Variants in BICRA observed in about 807,000 individuals in gnomAD.
BICRA encodes BRD4 interacting chromatin remodeling complex associated protein, also known as BRD4-interacting chromatin-remodeling complex-associated protein.
BICRA carries 31 observed loss-of-function variants against 96.9 expected under a neutral mutation model. The observed-to-expected ratio is 0.32, with a 90% CI of 0.24 to 0.43. The LOEUF (loss-of-function observed/expected upper bound fraction) is 0.43. BICRA is among the 20% of genes least tolerant of loss of function. The pLI is 1.00. For synonymous variants in BICRA, 1,350 were observed against 1,071.8 expected (o/e 1.26, Z -5.07); for missense variants, 2,283 against 2,190.3 (o/e 1.04, Z -0.84).
intron 1 of BICRA, among the ~76,000 whole-genome samples, chr19:47,657,316 A>G (rs545468704): frequency 3.5e-4 from 53 of 152,132 alleles, no homozygotes; most frequent in African/African-American, 9.6e-4. Context: ...TGTCGTGTGG[A>G]TGTAACAGTG....
chr19:47,657,178 C>T lies in BICRA; in HGVS notation c.-107-13265C>T, dbSNP rs185964109. 1.3e-3 allele frequency among the ~76,000 whole-genome samples: 199 copies of T among 151,948 alleles called. 2 individuals are homozygous for T. Among genetic ancestry groups the T allele is most frequent in the African/African-American group, 4.4e-3 (181 of 41,458 alleles). ...GCCGGGCCCATGTTCTAGATCTTTACACAAATGGACTCACACAGTGTGTAG... is the reference window on the plus strand; with the variant it reads ...GCCGGGCCCATGTTCTAGATCTTTATACAAATGGACTCACACAGTGTGTAG... On this transcript the variant is annotated intron_variant, in intron 1 of 14. Transcript: ENST00000594866.
chr19:47,673,379 T>G (rs1265449564), intron 2 of BICRA, among the ~76,000 whole-genome samples, 191 bp from the exon 3 acceptor site: 1 of 152,074 alleles, frequency 6.6e-6, no homozygotes, highest in African/African-American at 2.4e-5. Flanking sequence ...AAAAGGACCC[T>G]GTCCCTGGTC....
rs1384505574 is a variant in BICRA at position 47,702,483 on chromosome 19, CAGCCTCCTGGGGACTCG to C, written c.*73_*89del. 1.9e-5 allele frequency: 27 copies of C among 1,402,430 alleles called. No individual in the cohort carries two copies. The African/African-American group carries it at 3.5e-4, about 18-fold the overall frequency. The allele number at this position is 1,402,430 out of a possible 1,614,324, so 86.9% of individuals were successfully genotyped here. On this transcript the variant is annotated 3_prime_UTR_variant, in exon 15 of 15. Coordinates refer to ENST00000594866, the MANE Select transcript of BICRA (RefSeq NM_001394372.1). ...GCCGGGACAGTCGGGTGTCCGCCCT[CAGCCTCCTGGGGACTCG>C]AGCCGGGGATCCCCTGACGGTTTTT...
At chr19:47,614,367 A>G (rs148740756) in intron 1 of BICRA, among the ~76,000 whole-genome samples, 2,962 of 152,338 alleles carry the variant, frequency 0.019, 80 homozygotes, top group African/African-American at 0.068. Context: ...CTGTAATCCC[A>G]GCACTTTGGG....
At chr19:47,678,392 A>G (rs571725345) in intron 5 of BICRA, among the ~76,000 whole-genome samples, 25 of 152,316 alleles carry the variant, frequency 1.6e-4, no homozygotes, top group African/African-American at 4.8e-4. Context: ...CTGGGATTAC[A>G]GGTGTGAGCC....
Position 47,702,466 on chromosome 19 carries a change from A to G in BICRA, c.*51A>G, listed in dbSNP as rs1568583000. 3 of 1,422,204 alleles carry G rather than the reference A, an allele frequency of 2.1e-6. No individual in the cohort carries two copies. The highest frequency in any genetic ancestry group is 3.0e-5 in the African/African-American group (2 of 66,084). 88.1% of individuals were successfully genotyped at this position (1,422,204 alleles called of 1,614,324 possible). ...CCCCTCCTCCCGAAGACGCCGGGAC[A>G]GTCGGGTGTCCGCCCTCAGCCTCCT... On this transcript the variant is annotated 3_prime_UTR_variant, in exon 15 of 15. Coordinates refer to ENST00000594866, the MANE Select transcript of BICRA (RefSeq NM_001394372.1).
intron 1 of BICRA, among the ~76,000 whole-genome samples, chr19:47,650,151 A>G (rs185126265): frequency 1.0e-3 from 159 of 151,656 alleles, no homozygotes; most frequent in African/African-American, 3.8e-3. Flanking sequence ...TTGTTTTTTG[A>G]GGTGGAGTCT....
At chr19:47,638,803 C>T (rs141930891) in intron 1 of BICRA, among the ~76,000 whole-genome samples, 2,405 of 151,964 alleles carry the variant, frequency 0.016, 59 homozygotes, top group African/African-American at 0.056. Flanking sequence ...TACAGGTGGC[C>T]GCCACCATGC....
At position 47,675,170 on chromosome 19, in the gene BICRA, T is replaced by G. The variant is rs1260673087; in HGVS notation, c.85-681T>G. 6.6e-6 allele frequency among the ~76,000 whole-genome samples: 1 copy of G among 152,214 alleles called. No individual in the cohort carries two copies. Among genetic ancestry groups the G allele is most frequent in the African/African-American group, 2.4e-5 (1 of 41,454 alleles). On this transcript the variant is annotated intron_variant, in intron 4 of 14. Coordinates refer to ENST00000594866, the MANE Select transcript of BICRA (RefSeq NM_001394372.1). The surrounding 1 kb of genome is among the most constrained non-coding windows in gnomAD (Gnocchi z 4.7). ...TTGGCTTGAGCAACTGAGTGGATTC[T>G]GGTGCCATTTTCTGAAGTTGGGAAT... is the stretch of plus-strand genomic sequence containing the variant.
In BICRA at chr19:47,695,357, AC is replaced by A; in HGVS notation, c.3077-3del. On this transcript the variant is annotated splice_polypyrimidine_tract_variant and splice_region_variant and intron_variant, in intron 9 of 14. Coordinates refer to ENST00000594866, the MANE Select transcript of BICRA (RefSeq NM_001394372.1). ...AGGCCCTGTCTCCCCCACCCCACCC[AC>A]CCCCAGGCCTCCCTCCTCTGCTTCC... 5.2e-6 allele frequency: 2 copies of A among 385,114 alleles called. No individual in the cohort carries two copies. The highest frequency in any genetic ancestry group is 4.7e-6 in the Non-Finnish European group (1 of 211,974). The allele number at this position is 385,114 out of a possible 1,614,324, so 23.9% of individuals were successfully genotyped here.
intron 7 of BICRA, 140 bp from the exon 8 acceptor site, chr19:47,693,974 TG>T: frequency 1.0e-6 from 1 of 982,642 alleles, no homozygotes; most frequent in Non-Finnish European, 1.4e-6. Context: ...GCAGCCGTGG[TG>T]GGCTCCTCTC....
At chr19:47,613,846 C>T (rs1971946345) in intron 1 of BICRA, among the ~76,000 whole-genome samples, 1 of 151,976 alleles carries the variant, frequency 6.6e-6, no homozygotes, top group African/African-American at 2.4e-5. Flanking sequence ...CAAGTTTCCC[C>T]AGTGGAGAGG....
chr19:47,702,324 C>A lies in BICRA; in HGVS notation c.4592C>A (p.Thr1531Asn). 6.4e-7 allele frequency: 1 copy of A among 1,552,054 alleles called. No individual in the cohort carries two copies. The highest frequency in any genetic ancestry group is 2.0e-4 in the Middle Eastern group (1 of 5,066). Residue 1531 changes from threonine (T) to asparagine (N), a missense_variant, in exon 15 of 15, where the codon ACC becomes AAC. Coordinates refer to ENST00000594866, the MANE Select transcript of BICRA (RefSeq NM_001394372.1). Reference protein sequence around the residue: ...PSYPHAASAGTPASPPPLHRP... With the variant: ...PSYPHAASAGNPASPPPLHRP... ...TACCCCCACGCTGCCTCGGCCGGCACCCCCGCATCCCCGCCGCCCCTGCAC... is the reference window on the plus strand; with the variant it reads ...TACCCCCACGCTGCCTCGGCCGGCAACCCCGCATCCCCGCCGCCCCTGCAC...
In BICRA at chr19:47,682,050, G is replaced by T; in HGVS notation, c.2181G>T (p.Pro727=). The change falls in exon 7 of 15, where the codon CCG becomes CCT. Residue 727 remains proline, a synonymous_variant. Coordinates refer to ENST00000594866, the MANE Select transcript of BICRA (RefSeq NM_001394372.1). ...CTGCCTCGGTCATAGTCAGCGCCCCGCCTCCCGCCCAAGACCCAGCCCCAG... is the reference window on the plus strand; with the variant it reads ...CTGCCTCGGTCATAGTCAGCGCCCCTCCTCCCGCCCAAGACCCAGCCCCAG... ...SVPASVIVSA[P]PPAQDPAPAT... 2.0e-6 allele frequency: 3 copies of T among 1,535,526 alleles called. No individual in the cohort carries two copies. The highest frequency in any genetic ancestry group is 1.8e-6 in the Non-Finnish European group (2 of 1,134,684).
intron 1 of BICRA, among the ~76,000 whole-genome samples, chr19:47,617,092 TGCTGG>T (rs1971996671): frequency 2.9e-4 from 1 of 3,478 alleles, no homozygotes; most frequent in South Asian, 5.4e-3. Flanking sequence ...CTTCCCAAAG[TGCTGG>T]GATTACAAAC....
At chr19:47,690,379 G>A (rs1468357342) in intron 7 of BICRA, among the ~76,000 whole-genome samples, 1 of 152,196 alleles carries the variant, frequency 6.6e-6, no homozygotes, top group East Asian at 1.9e-4. Context: ...TAAAGCAAAT[G>A]TGCATTTATA....
intron 1 of BICRA, among the ~76,000 whole-genome samples, chr19:47,668,085 C>T (rs1972809441): frequency 6.6e-6 from 1 of 152,158 alleles, no homozygotes; most frequent in Non-Finnish European, 1.5e-5. Context: ...AAAAAATTAG[C>T]TGGGCGTGGT....
chr19:47,680,489 C>T lies in BICRA; in HGVS notation c.1319C>T (p.Pro440Leu). ...ACCGGAGCGGCCCCGCCGCAGCCCC[C>T]CGGGGCCCTGAGCAAACCCATGAGC... is the stretch of plus-strand genomic sequence containing the variant. ...TTTGAAPPQPPGALSKPMSVH... is the reference protein window; with the variant it reads ...TTTGAAPPQPLGALSKPMSVH... The change falls in exon 6 of 15, where the codon CCC (proline) becomes CTC (leucine). Residue 440 changes from proline (P) to leucine (L), a missense_variant. Pro to Leu is a moderately conservative substitution (Grantham distance 98). Coordinates refer to ENST00000594866, the MANE Select transcript of BICRA (RefSeq NM_001394372.1). 6.5e-7 allele frequency: 1 copy of T among 1,542,608 alleles called. No homozygotes were observed. The highest frequency in any genetic ancestry group is 8.7e-7 in the Non-Finnish European group (1 of 1,145,442).
In BICRA at chr19:47,698,584, C is replaced by A; in HGVS notation, c.3249-50C>A. Reference sequence around the variant, plus strand: ...TCAGGGACTTCCCCTGGCCCTCACCCGTCCCCCCCACCCTCCGCCGTGTGT... The same window carrying A: ...TCAGGGACTTCCCCTGGCCCTCACCAGTCCCCCCCACCCTCCGCCGTGTGT... On this transcript the variant is annotated intron_variant, in intron 11 of 14. Transcript: ENST00000594866. The surrounding 1 kb of genome is among the most constrained non-coding windows in gnomAD (Gnocchi z 4.8). 1.3e-6 allele frequency: 1 copy of A among 785,670 alleles called. No individual in the cohort carries two copies. The highest frequency in any genetic ancestry group is 1.4e-5 in the South Asian group (1 of 69,348). The allele number at this position is 785,670 out of a possible 1,614,324, so 48.7% of individuals were successfully genotyped here. A position where few individuals can be genotyped will look rare whatever the true frequency, so the allele number is the denominator to read the frequency against.
Sources: gnomAD v4.1 joint callset for allele counts (sites outside exome capture counted in the v4.1 genomes callset) on GRCh38, gnomAD v4.1.1 for gene constraint, Gnocchi (gnomAD v3.1) non-coding constraint, MANE v1.5 for transcripts, NCBI Gene and HGNC (gene_info 2026-07-23, HGNC 2026-07-21) for gene names.